The following PTPRE variants were observed in gnomAD, a reference collection of about 807,000 sequenced individuals.
PTPRE encodes protein tyrosine phosphatase receptor type E, also known as receptor-type tyrosine-protein phosphatase epsilon.
A neutral mutation model predicts 102.0 loss-of-function variants in PTPRE; 51 were observed. That is an observed-to-expected ratio of 0.50 (90% confidence interval 0.40 to 0.63). PTPRE has a LOEUF of 0.63. Among genes scored for constraint, PTPRE ranks in the 30% least tolerant of loss-of-function variants. The pLI, the probability that PTPRE is intolerant of heterozygous loss-of-function variation, is 0.00. For missense variants in PTPRE, 752 were observed against 915.1 expected, an observed-to-expected ratio of 0.82 and a Z score of 2.30; for synonymous variants, 345 against 348.2, an observed-to-expected ratio of 0.99 and a Z score of 0.10.
intron 1 of PTPRE, among the ~76,000 whole-genome samples, chr10:127,949,126 C>A (rs1352268665): frequency 1.3e-5 from 2 of 152,248 alleles, no homozygotes; most frequent in East Asian, 1.9e-4. Context: ...ATTTCACCAA[C>A]ACCTTCGCTG....
At chr10:128,052,434 A>C (rs1327263069) in intron 6 of PTPRE, among the ~76,000 whole-genome samples, 1 of 152,112 alleles carries the variant, frequency 6.6e-6, no homozygotes, top group Non-Finnish European at 1.5e-5. Context: ...CGGCTCAGAG[A>C]GCTTGGGCAA....
chr10:127,953,012 A>G (rs1292961157), intron 1 of PTPRE, among the ~76,000 whole-genome samples: 1 of 152,192 alleles, frequency 6.6e-6, no homozygotes, highest in Admixed American at 6.5e-5. Flanking sequence ...AGTGAAGGAT[A>G]AGTTGTTGTA....
intron 10 of PTPRE, 57 bp downstream of exon 10, chr10:128,063,237 T>G: frequency 6.3e-7 from 1 of 1,599,492 alleles, no homozygotes; most frequent in East Asian, 2.2e-5. Context: ...GCTGCCGGGC[T>G]GGGGATGTTC....
At chr10:128,060,514 C>A (rs1423243459) in intron 7 of PTPRE, among the ~76,000 whole-genome samples, 1 of 152,164 alleles carries the variant, frequency 6.6e-6, no homozygotes, top group Non-Finnish European at 1.5e-5. Flanking sequence ...AGAGTGGACC[C>A]AGTTCTCCTG....
chr10:127,969,716 G>C (rs1378637793), intron 1 of PTPRE, among the ~76,000 whole-genome samples: 1 of 151,234 alleles, frequency 6.6e-6, no homozygotes, highest in Non-Finnish European at 1.5e-5. Flanking sequence ...CATGAGCTTT[G>C]TGTGTGTTCT....
intron 2 of PTPRE, among the ~76,000 whole-genome samples, chr10:128,011,843 A>C (rs1845041915): frequency 6.6e-6 from 1 of 152,178 alleles, no homozygotes; most frequent in African/African-American, 2.4e-5. Context: ...AAACACCTGG[A>C]ATGTGGCTGT....
chr10:128,022,903 C>G (rs1590044939), intron 2 of PTPRE, among the ~76,000 whole-genome samples: 1 of 152,230 alleles, frequency 6.6e-6, no homozygotes, highest in Non-Finnish European at 1.5e-5. Context: ...GTAATTTTGA[C>G]AGGCTGTGGC....
At chr10:128,065,985 G>A in intron 10 of PTPRE, 90 bp from the exon 11 acceptor site, 3 of 1,573,876 alleles carry the variant, frequency 1.9e-6, no homozygotes, top group Non-Finnish European at 1.7e-6. Context: ...TCCAGCTGGT[G>A]TGTGTGAGGC....
At position 128,072,199 on chromosome 10, in the gene PTPRE, C is replaced by T. The variant is rs148132956; in HGVS notation, c.1449C>T (p.Asn483=). ...GTCAAGAATACACAGACTACATCAA[C>T]GCATCCTTCATAGACGTACGTATGC... ...KRGQEYTDYI[N]ASFIDGYRQK... The change falls in exon 16 of 21, where the codon AAC becomes AAT. Residue 483 remains asparagine, a synonymous_variant. Coordinates refer to ENST00000254667, the MANE Select transcript of PTPRE (RefSeq NM_006504.6). 452 of 1,613,780 alleles carry T rather than the reference C, an allele frequency of 2.8e-4. 1 individual carries two copies. In the African/African-American group the frequency reaches 4.5e-3, roughly 16 times the overall value.
At chr10:128,010,064 TTCAC>T (rs895485871) in intron 2 of PTPRE, among the ~76,000 whole-genome samples, 1 of 87,486 alleles carries the variant, frequency 1.1e-5, no homozygotes, top group Admixed American at 1.2e-4. Context: ...CATTCATTCA[TTCAC>T]TCACTCACTT....
At chr10:128,072,027 A>G in intron 15 of PTPRE, 111 bp from the exon 16 acceptor site, 1 of 771,610 alleles carries the variant, frequency 1.3e-6, no homozygotes, top group South Asian at 1.9e-5. Context: ...AGTTGGCTTT[A>G]CGTAGTGATT....
chr10:128,043,398 C>T (rs1012234049), intron 3 of PTPRE, among the ~76,000 whole-genome samples: 5 of 152,188 alleles, frequency 3.3e-5, no homozygotes, highest in African/African-American at 4.8e-5. Context: ...ATAGGGCTCA[C>T]GGTCCTGTAA....
At chr10:128,044,378 G>T (rs1381739486) in intron 3 of PTPRE, among the ~76,000 whole-genome samples, 1 of 152,208 alleles carries the variant, frequency 6.6e-6, no homozygotes, top group Non-Finnish European at 1.5e-5. Context: ...CTGTGCCCTG[G>T]GGCAGAACTG....
intron 2 of PTPRE, among the ~76,000 whole-genome samples, chr10:128,019,625 A>G (rs1447862163): frequency 8.0e-6 from 1 of 125,592 alleles, no homozygotes; most frequent in Non-Finnish European, 1.9e-5. Context: ...GGTGTGTCCT[A>G]TGTCAGCCCA....
Position 128,077,783 on chromosome 10 carries a change from G to T in PTPRE, c.1892G>T (p.Ser631Ile), listed in dbSNP as rs759088355. The change falls in exon 19 of 21, where the codon AGT (serine) becomes ATT (isoleucine). Residue 631 changes from serine to isoleucine, a missense_variant and splice_region_variant. Physicochemically the swap from Ser to Ile is moderately radical, Grantham distance 142. Around this residue, in one of 2 missense-constraint regions of PTPRE, gnomAD observed 636 missense variants for 824.4 expected, o/e 0.77. Transcript: ENST00000254667. ...AACCACCCCATCACCGTGCACTGCA[G>T]GTGAGCCCCCAGCCCGAAGCCCTCC... The part of the protein sequence containing the change: ...TGNHPITVHC[S>I]AGAGRTGTFI... 3 of 1,587,244 alleles carry T rather than the reference G, an allele frequency of 1.9e-6. No individual in the cohort carries two copies. The highest frequency in any genetic ancestry group is 2.6e-6 in the Non-Finnish European group (3 of 1,158,490).
chr10:127,941,809 G>A (rs896389516), intron 1 of PTPRE, among the ~76,000 whole-genome samples: 3 of 151,346 alleles, frequency 2.0e-5, no homozygotes, highest in African/African-American at 7.3e-5. Flanking sequence ...GCCTTGATCT[G>A]TACATCCAGG....
chr10:128,020,047 C>T (rs1215315830), intron 2 of PTPRE, among the ~76,000 whole-genome samples: 3 of 89,886 alleles, frequency 3.3e-5, no homozygotes, highest in Admixed American at 1.0e-4. Context: ...TGTGTGTGTG[C>T]ACGCGCGCAC....
At chr10:127,971,954 A>G (rs1850776088) in intron 1 of PTPRE, among the ~76,000 whole-genome samples, 1 of 152,204 alleles carries the variant, frequency 6.6e-6, no homozygotes, top group East Asian at 1.9e-4. Flanking sequence ...ACCTTTTCAG[A>G]GACCCAGCCT....
At chr10:127,909,348 G>T (rs992449440) in intron 1 of PTPRE, among the ~76,000 whole-genome samples, 1 of 152,184 alleles carries the variant, frequency 6.6e-6, no homozygotes, top group African/African-American at 2.4e-5. Context: ...GTTTCAACTG[G>T]TGAAAGTATG....
Sources: gnomAD v4.1 joint callset for allele counts (sites outside exome capture counted in the v4.1 genomes callset) on GRCh38, gnomAD v4.1.1 for gene constraint, gnomAD v4.1.1 regional missense constraint, MANE v1.5 for transcripts, NCBI Gene and HGNC (gene_info 2026-07-23, HGNC 2026-07-21) for gene names.